Variants in DNAH11 observed in about 807,000 individuals in gnomAD.
The protein encoded by DNAH11 is dynein axonemal heavy chain 11.
In DNAH11, 442 loss-of-function variants were observed where a neutral mutation model predicts 526.0. The ratio of observed to expected loss-of-function variants is 0.84; its 90% CI spans 0.78 to 0.91. DNAH11 has a LOEUF of 0.91. DNAH11 is among the 40% of genes least tolerant of loss of function. The pLI is 0.00. For synonymous variants in DNAH11, 2,461 were observed against 1,935.9 expected (o/e 1.27, Z -7.12); for missense variants, 6,989 against 5,448.7 (o/e 1.28, Z -8.90).
At chr7:21,805,058 T>C (rs947792412) in intron 62 of DNAH11, among the ~76,000 whole-genome samples, 1 of 152,194 alleles carries the variant, frequency 6.6e-6, no homozygotes, top group African/African-American at 2.4e-5. Flanking sequence ...GTCACATCAC[T>C]GGCTCTTCAC....
At chr7:21,736,837 A>G (rs1337777495) in intron 46 of DNAH11, among the ~76,000 whole-genome samples, 1 of 152,186 alleles carries the variant, frequency 6.6e-6, no homozygotes, top group South Asian at 2.1e-4. Flanking sequence ...AAAAGAGCCA[A>G]TTATTTCATT....
chr7:21,687,835 G>C (rs1180022647), intron 34 of DNAH11, among the ~76,000 whole-genome samples: 1 of 152,156 alleles, frequency 6.6e-6, no homozygotes, highest in Non-Finnish European at 1.5e-5. Flanking sequence ...CGAGAGGATT[G>C]TTTGAGCCCA....
intron 30 of DNAH11, among the ~76,000 whole-genome samples, chr7:21,666,304 C>T (rs1350565158): frequency 1.3e-5 from 2 of 151,850 alleles, no homozygotes; most frequent in Non-Finnish European, 2.9e-5. Flanking sequence ...ATTTAATTTC[C>T]CAGATTTGAA....
At chr7:21,620,811 G>A (rs1339196248) in intron 25 of DNAH11, among the ~76,000 whole-genome samples, 10 of 144,260 alleles carry the variant, frequency 6.9e-5, no homozygotes, top group East Asian at 2.1e-4. Flanking sequence ...GAGAATATGC[G>A]GTGTTTGGTT....
chr7:21,811,287 A>ACC (rs370847806), intron 63 of DNAH11, among the ~76,000 whole-genome samples: 2 of 148,254 alleles, frequency 1.3e-5, no homozygotes, highest in Non-Finnish European at 3.0e-5. Flanking sequence ...ACATGGTGAA[A>ACC]CCCCCCCCCC....
chr7:21,843,328 C>A (rs966470830), intron 66 of DNAH11, among the ~76,000 whole-genome samples: 1 of 151,954 alleles, frequency 6.6e-6, no homozygotes, highest in Non-Finnish European at 1.5e-5. Context: ...AAAGCTAGTT[C>A]TTTGGCAAGA....
intron 28 of DNAH11, among the ~76,000 whole-genome samples, chr7:21,647,020 A>G (rs1787385168): frequency 1.3e-5 from 2 of 152,202 alleles, no homozygotes. Context: ...CAGATGATAG[A>G]CTTAGCCAAT....
rs1243678738 is a variant in DNAH11 at position 21,892,494 on chromosome 7, C to T, written c.12577C>T (p.Gln4193Ter). 1.2e-6 allele frequency: 2 copies of T among 1,613,954 alleles called. No individual in the cohort carries two copies. The highest frequency in any genetic ancestry group is 1.7e-5 in the Admixed American group (1 of 60,030). The change falls in exon 77 of 82, where the codon CAG (glutamine) becomes TAG (stop). Residue 4193 changes from glutamine to a stop codon, truncating the protein, a stop_gained. Transcript: ENST00000409508. LOFTEE classifies it high-confidence loss of function. Reference protein sequence around the residue: ...PPYLDYAGYHQYIEEMLPPES... With the variant: ...PPYLDYAGYH ...CTACCTAGATTATGCAGGCTACCACCAGTACATAGAGGAGATGCTTCCTCC... is the reference window on the plus strand; with the variant it reads ...CTACCTAGATTATGCAGGCTACCACTAGTACATAGAGGAGATGCTTCCTCC...
At chr7:21,817,519 CAAAAAAAA>C (rs10532841) in intron 64 of DNAH11, among the ~76,000 whole-genome samples, 7 of 86,438 alleles carry the variant, frequency 8.1e-5, no homozygotes, top group Admixed American at 1.3e-4. Flanking sequence ...CCATCTCTAC[CAAAAAAAA>C]AAAAAAAAAA....
At chr7:21,546,439 A>C (rs1035768318) in intron 2 of DNAH11, among the ~76,000 whole-genome samples, 2 of 152,220 alleles carry the variant, frequency 1.3e-5, no homozygotes, top group African/African-American at 4.8e-5. Context: ...CTTTGGTTCA[A>C]TATGAGAATC....
At chr7:21,601,885 G>A (rs549069421) in intron 18 of DNAH11, among the ~76,000 whole-genome samples, 74 of 151,956 alleles carry the variant, frequency 4.9e-4, no homozygotes, top group African/African-American at 1.5e-3. Context: ...TTATTAGAAA[G>A]AATGTAGATT....
intron 67 of DNAH11, 50 bp downstream of exon 67, chr7:21,852,681 A>G (rs1488223924): frequency 3.3e-6 from 5 of 1,509,110 alleles, no homozygotes; most frequent in Non-Finnish European, 4.4e-6. Flanking sequence ...TGTTCGAATG[A>G]GACATGTGGG....
rs143410462 is a variant in DNAH11, at chr7:21,704,047, T to A, written c.6274-387T>A. ...CAACAACAACAAAACTAAAAATGTT[T>A]GAGATTATCATTCTAAGATTCTCAG... is the stretch of plus-strand genomic sequence containing the variant. On this transcript the variant is annotated intron_variant, in intron 37 of 81. Transcript: ENST00000409508. 4.1e-3 allele frequency among the ~76,000 whole-genome samples: 626 copies of A among 152,362 alleles called. 7 individuals carry two copies. The highest frequency in any genetic ancestry group is 0.014 in the African/African-American group (596 of 41,590).
intron 14 of DNAH11, among the ~76,000 whole-genome samples, chr7:21,598,044 C>G (rs1784931871): frequency 6.6e-6 from 1 of 152,104 alleles, no homozygotes; most frequent in South Asian, 2.1e-4. Context: ...TCATCTCTCC[C>G]CTGCCTTATT....
At chr7:21,851,745 G>T (rs764834632) in intron 66 of DNAH11, 3 of 449,690 alleles carry the variant, frequency 6.7e-6, no homozygotes, top group East Asian at 1.4e-4. Context: ...GTGATTCTCT[G>T]TGTTTGCCTG....
intron 58 of DNAH11, among the ~76,000 whole-genome samples, chr7:21,784,985 C>T (rs1019024763): frequency 2.0e-5 from 3 of 152,200 alleles, no homozygotes; most frequent in Non-Finnish European, 4.4e-5. Flanking sequence ...GGTTTGGTCC[C>T]CACCATTTCT....
At chr7:21,682,755 G>A (rs1451046121) in intron 31 of DNAH11, among the ~76,000 whole-genome samples, 1 of 151,816 alleles carries the variant, frequency 6.6e-6, no homozygotes, top group African/African-American at 2.4e-5. Context: ...GTTTTTTTCT[G>A]GGTTTTTTTC....
At chr7:21,778,182 G>GA (rs939966315) in intron 56 of DNAH11, among the ~76,000 whole-genome samples, 2 of 151,896 alleles carry the variant, frequency 1.3e-5, no homozygotes, top group African/African-American at 4.8e-5. Flanking sequence ...AATTATAACT[G>GA]AAAAAAATGG....
intron 68 of DNAH11, among the ~76,000 whole-genome samples, chr7:21,856,661 T>A (rs1170287102): frequency 6.6e-6 from 1 of 151,976 alleles, no homozygotes; most frequent in African/African-American, 2.4e-5. Context: ...ATGCCAAGAA[T>A]CAAATTGGTT....
Sources: allele counts gnomAD v4.1 joint callset (sites outside exome capture counted in the v4.1 genomes callset), GRCh38; gene constraint gnomAD v4.1.1; transcripts MANE v1.5; gene names NCBI Gene and HGNC (gene_info 2026-07-23, HGNC 2026-07-21).